ATP11A: variants seen among roughly 807,000 people sequenced by gnomAD.
ATP11A encodes ATPase phospholipid transporting 11A, also known as phospholipid-transporting ATPase IH.
A neutral mutation model predicts 154.4 loss-of-function variants in ATP11A; 81 were observed. That is an observed-to-expected ratio of 0.52 (90% confidence interval 0.44 to 0.63). The LOEUF (loss-of-function observed/expected upper bound fraction) is 0.63. Ranked by LOEUF, ATP11A falls within the 30% of genes least tolerant of loss-of-function variation. The pLI is 0.00. For missense variants in ATP11A, 1,316 were observed against 1,474.3 expected, an observed-to-expected ratio of 0.89 and a Z score of 1.76; for synonymous variants, 623 against 585.9, an observed-to-expected ratio of 1.06 and a Z score of -0.91.
intron 27 of ATP11A, among the ~76,000 whole-genome samples, chr13:112,873,955 C>CCAG (rs1390158514): frequency 2.0e-5 from 3 of 152,280 alleles, no homozygotes; most frequent in Admixed American, 6.5e-5. Context: ...GGATTCCGCA[C>CCAG]CAGGGGACCC....
chr13:112,871,678 G>C, intron 25 of ATP11A, 57 bp from the exon 26 acceptor site: 1 of 1,546,782 alleles, frequency 6.5e-7, no homozygotes, highest in Non-Finnish European at 8.9e-7. Context: ...TCTTGATTGT[G>C]AAAGAGAAAA....
chr13:112,875,195 C>T lies in ATP11A; in HGVS notation c.3162-581C>T, dbSNP rs2080680714. Among the ~76,000 whole-genome samples, 1 of 152,224 alleles carries T rather than the reference C, an allele frequency of 6.6e-6. No individual in the cohort carries two copies. Among genetic ancestry groups the T allele is most frequent in the Non-Finnish European group, 1.5e-5 (1 of 68,050 alleles). On this transcript the variant is annotated intron_variant, in intron 27 of 29. Coordinates refer to ENST00000375645, the MANE Select transcript of ATP11A (RefSeq NM_015205.3). This position sits in a 1 kb window ranked among gnomAD's most constrained non-coding sequence, Gnocchi z 4.1. The stretch of plus-strand genomic sequence containing the variant: ...GCTTCCTGGAGCTGGGGCCCTATCT[C>T]TGTGTCTCTGCCACCATCCGTAGTG...
At chr13:112,732,462 GTCTCTCTCCAGCTCCA>G (rs1433690819) in intron 1 of ATP11A, among the ~76,000 whole-genome samples, 186 of 151,592 alleles carry the variant, frequency 1.2e-3, no homozygotes, top group Middle Eastern at 3.4e-3. Context: ...CTCCAGCTCT[GTCTCTCTCCAGCTCCA>G]TCTCTCTCCA....
intron 1 of ATP11A, among the ~76,000 whole-genome samples, chr13:112,751,737 C>G (rs994138303): frequency 1.3e-5 from 2 of 151,902 alleles, no homozygotes; most frequent in African/African-American, 4.8e-5. Flanking sequence ...TAATCCCCCC[C>G]CCCTTTTTTT....
In ATP11A at chr13:112,881,965, G is replaced by A; in HGVS notation, c.*99G>A. On this transcript the variant is annotated 3_prime_UTR_variant, in exon 30 of 30. Transcript: ENST00000375645. ...CACTCGCGGCCTGGAAGGAGAAGGTGTCCACGGAGCCCCCACCCATCCTCG... is the reference window on the plus strand; with the variant it reads ...CACTCGCGGCCTGGAAGGAGAAGGTATCCACGGAGCCCCCACCCATCCTCG... 1 of 1,367,772 alleles carries A rather than the reference G, an allele frequency of 7.3e-7. No homozygotes were observed. The highest frequency in any genetic ancestry group is 9.8e-7 in the Non-Finnish European group (1 of 1,021,994). 84.7% of individuals were successfully genotyped at this position (1,367,772 alleles called of 1,614,324 possible).
chr13:112,841,029 GGT>G (rs1033814406), intron 16 of ATP11A, among the ~76,000 whole-genome samples: 24 of 152,376 alleles, frequency 1.6e-4, no homozygotes, highest in African/African-American at 5.5e-4. Flanking sequence ...AGGCTGCTGT[GGT>G]GTTTCTCCCA....
Position 112,785,366 on chromosome 13 carries a change from ACAGCCAC to A in ATP11A, c.162+118_162+124del, listed in dbSNP as rs1379937210. 50 of 1,258,806 alleles carry A rather than the reference ACAGCCAC, an allele frequency of 4.0e-5. No homozygotes were observed. The East Asian group carries it at 1.4e-3, about 35-fold the overall frequency. The allele number at this position is 1,258,806 out of a possible 1,614,324, so 78.0% of individuals were successfully genotyped here. A position where few individuals can be genotyped will look rare whatever the true frequency, so the allele number is the denominator to read the frequency against. On this transcript the variant is annotated intron_variant, in intron 2 of 29. Transcript: ENST00000375645. This position sits in a 1 kb window ranked among gnomAD's most constrained non-coding sequence, Gnocchi z 4.8. ...CGGCTCTGCTCCTGGCCCTGCTGTC[ACAGCCAC>A]CAGCCACCCCCAGCAAGGGCTTCGG...
At chr13:112,773,902 C>G (rs953784017) in intron 1 of ATP11A, among the ~76,000 whole-genome samples, 1 of 145,914 alleles carries the variant, frequency 6.9e-6, no homozygotes, top group African/African-American at 2.5e-5. Context: ...CCACCTCGTG[C>G]CTTCCCAGGG....
At chr13:112,862,961 A>G (rs12868473) in intron 25 of ATP11A, among the ~76,000 whole-genome samples, 111 of 89,454 alleles carry the variant, frequency 1.2e-3, no homozygotes, top group South Asian at 2.2e-3. Flanking sequence ...TCCCAGCGGG[A>G]TCCATCACCA....
chr13:112,707,831 A>G (rs554685409), intron 1 of ATP11A, among the ~76,000 whole-genome samples: 2 of 152,302 alleles, frequency 1.3e-5, no homozygotes, highest in African/African-American at 2.4e-5. Flanking sequence ...GCACTTCCCA[A>G]AGCCAAACTT....
At chr13:112,871,677 T>G in intron 25 of ATP11A, 58 bp from the exon 26 acceptor site, 2 of 1,541,302 alleles carry the variant, frequency 1.3e-6, no homozygotes, top group Non-Finnish European at 1.8e-6. Context: ...CTCTTGATTG[T>G]GAAAGAGAAA....
chr13:112,823,645 CAG>C (rs1778271250), intron 9 of ATP11A, among the ~76,000 whole-genome samples: 1 of 152,212 alleles, frequency 6.6e-6, no homozygotes, highest in Non-Finnish European at 1.5e-5. Context: ...GATTCAGAAA[CAG>C]AACATTGCAT....
rs1063098 is a variant in ATP11A at position 112,885,209 on chromosome 13, G to A, written c.*3343G>A. Reference sequence around the variant, plus strand: ...TACATATGCACATATCATGAACAGCGTAAGTTCCTACACACGGACGTGTGA... The same window carrying A: ...TACATATGCACATATCATGAACAGCATAAGTTCCTACACACGGACGTGTGA... On this transcript the variant is annotated 3_prime_UTR_variant, in exon 30 of 30. Transcript: ENST00000375645. 0.44 allele frequency: 66,704 copies of A among 151,772 alleles called. 15,987 individuals carry two copies. The highest frequency in any genetic ancestry group is 0.6 in the East Asian group (3,104 of 5,180). 9.4% of individuals were successfully genotyped at this position (151,772 alleles called of 1,614,324 possible). A position where few individuals can be genotyped will look rare whatever the true frequency, so the allele number is the denominator to read the frequency against.
Position 112,831,447 on chromosome 13 carries a change from G to A in ATP11A, c.1294G>A (p.Glu432Lys), listed in dbSNP as rs199734552. ...CATGGAGTTCAAGGAGTGCTGCATC[G>A]AAGGCCATGTCTACGTGCCCCACGT... Reference protein sequence around the residue: ...NNMEFKECCIEGHVYVPHVIC... With the variant: ...NNMEFKECCIKGHVYVPHVIC... Residue 432 changes from glutamate to lysine, a missense_variant, in exon 13 of 30, where the codon GAA becomes AAA. Coordinates refer to ENST00000375645, the MANE Select transcript of ATP11A (RefSeq NM_015205.3). The A allele has an allele frequency of 7.6e-5, 123 of 1,614,044 alleles. No homozygotes were observed. Among genetic ancestry groups the A allele is most frequent in the Non-Finnish European group, 9.5e-5 (112 of 1,180,034 alleles).
intron 25 of ATP11A, among the ~76,000 whole-genome samples, chr13:112,863,672 C>T (rs2080206928): frequency 6.9e-6 from 1 of 145,642 alleles, no homozygotes. Context: ...GATCCATCAC[C>T]ACCTGCGCAG....
At chr13:112,796,705 AC>A (rs2140099741) in intron 2 of ATP11A, among the ~76,000 whole-genome samples, 1 of 152,268 alleles carries the variant, frequency 6.6e-6, no homozygotes, top group East Asian at 1.9e-4. Flanking sequence ...AAACTCATAC[AC>A]CTGTCCTAAC....
intron 1 of ATP11A, among the ~76,000 whole-genome samples, chr13:112,709,789 G>A (rs796825771): frequency 7.7e-4 from 118 of 152,372 alleles, no homozygotes; most frequent in African/African-American, 2.6e-3. Flanking sequence ...TTGGACACAT[G>A]TTCTCAGGAC....
At chr13:112,869,903 C>T (rs891287938) in intron 25 of ATP11A, among the ~76,000 whole-genome samples, 1 of 152,242 alleles carries the variant, frequency 6.6e-6, no homozygotes. Context: ...GCTTCTCACC[C>T]GGGCTCTGCT....
At chr13:112,705,614 C>T (rs2139525356) in intron 1 of ATP11A, among the ~76,000 whole-genome samples, 1 of 152,304 alleles carries the variant, frequency 6.6e-6, no homozygotes, top group East Asian at 1.9e-4. Flanking sequence ...CATCAGAGGA[C>T]AGCTCCAGGC....
Sources: allele counts gnomAD v4.1 joint callset (sites outside exome capture counted in the v4.1 genomes callset), GRCh38; gene constraint gnomAD v4.1.1; non-coding constraint Gnocchi (gnomAD v3.1); transcripts MANE v1.5; gene names NCBI Gene and HGNC (gene_info 2026-07-23, HGNC 2026-07-21).